The following KIAA1328 variants were observed in gnomAD, a reference collection of about 807,000 sequenced individuals.
KIAA1328 encodes the protein KIAA1328.
Under a neutral mutation model 68.1 loss-of-function variants are expected in KIAA1328, and 52 were observed. The observed-to-expected ratio is 0.76, with a 90% CI of 0.61 to 0.96. The LOEUF is 0.96. Among genes scored for constraint, KIAA1328 ranks in the 40% least tolerant of loss-of-function variants. The pLI is 0.00. For missense variants in KIAA1328, 641 were observed against 677.6 expected, an observed-to-expected ratio of 0.95 and a Z score of 0.60; for synonymous variants, 232 against 239.4, an observed-to-expected ratio of 0.97 and a Z score of 0.28.
chr18:37,162,365 C>T (rs1180006307), intron 8 of KIAA1328, among the ~76,000 whole-genome samples: 1 of 151,754 alleles, frequency 6.6e-6, no homozygotes, highest in Non-Finnish European at 1.5e-5. Flanking sequence ...CTTTTCTACT[C>T]ATGAAAAAGA....
intron 6 of KIAA1328, among the ~76,000 whole-genome samples, chr18:36,965,512 G>A (rs973211967): frequency 6.4e-3 from 1 of 156 alleles, no homozygotes; most frequent in East Asian, 0.17. Context: ...AATTAGCCAG[G>A]CGTGGTGGCC....
chr18:36,919,379 G>T (rs1031418106), intron 5 of KIAA1328, among the ~76,000 whole-genome samples: 2 of 152,088 alleles, frequency 1.3e-5, no homozygotes, highest in Non-Finnish European at 2.9e-5. Flanking sequence ...TTTTATGGGG[G>T]TTGGTCTTGC....
chr18:37,077,464 T>A (rs1023413747), intron 7 of KIAA1328, among the ~76,000 whole-genome samples: 1 of 149,546 alleles, frequency 6.7e-6, no homozygotes, highest in Non-Finnish European at 1.5e-5. Context: ...TTCAACATAG[T>A]GTTGGAAGTT....
Position 37,083,789 on chromosome 18 carries a change from C to T in KIAA1328, c.1232+16244C>T, listed in dbSNP as rs16968542. ...GAATTCACATTGAGACACTGGTGAT[C>T]GCAGTACACTTGCTTACAATGAATA... On this transcript the variant is annotated intron_variant, in intron 7 of 9. Transcript: ENST00000280020. Among the ~76,000 whole-genome samples the T allele has an allele frequency of 6.4e-3, 967 of 152,240 alleles. 9 individuals carry two copies. The highest frequency in any genetic ancestry group is 0.022 in the African/African-American group (930 of 41,552).
intron 6 of KIAA1328, among the ~76,000 whole-genome samples, chr18:37,041,542 G>A (rs1304982758): frequency 6.6e-6 from 1 of 151,728 alleles, no homozygotes; most frequent in East Asian, 1.9e-4. Flanking sequence ...ATGTAATTGT[G>A]ATATGGTTGG....
At chr18:36,969,017 A>G (rs2052061471) in intron 6 of KIAA1328, among the ~76,000 whole-genome samples, 1 of 152,222 alleles carries the variant, frequency 6.6e-6, no homozygotes, top group Non-Finnish European at 1.5e-5. Flanking sequence ...TGGAAATTAA[A>G]CAATCTGCTT....
chr18:37,181,087 C>G (rs931554662), intron 9 of KIAA1328, among the ~76,000 whole-genome samples: 5 of 152,056 alleles, frequency 3.3e-5, no homozygotes, highest in African/African-American at 1.2e-4. Context: ...AGGCTGAGAA[C>G]TGTAATTTTA....
At chr18:37,093,120 A>G (rs935518380) in intron 7 of KIAA1328, among the ~76,000 whole-genome samples, 8 of 152,230 alleles carry the variant, frequency 5.3e-5, no homozygotes, top group Non-Finnish European at 1.0e-4. Flanking sequence ...CTACTCAGCC[A>G]ACACTATAAA....
At chr18:36,854,295 A>G (rs1213529591) in intron 4 of KIAA1328, among the ~76,000 whole-genome samples, 1 of 152,196 alleles carries the variant, frequency 6.6e-6, no homozygotes, top group African/African-American at 2.4e-5. Flanking sequence ...AATAAGTTTC[A>G]GTTGTTCAGG....
chr18:37,066,549 C>T (rs143645622), intron 6 of KIAA1328, among the ~76,000 whole-genome samples: 62 of 152,216 alleles, frequency 4.1e-4, no homozygotes, highest in African/African-American at 1.3e-3. Context: ...AAACATTTTA[C>T]GATGTTCATG....
intron 4 of KIAA1328, among the ~76,000 whole-genome samples, chr18:36,879,973 G>A (rs2048275475): frequency 6.6e-6 from 1 of 152,210 alleles, no homozygotes; most frequent in Non-Finnish European, 1.5e-5. Flanking sequence ...GGCTCTGTAT[G>A]TGTGGGATCT....
Position 37,223,029 on chromosome 18 carries a change from C to G in KIAA1328, c.*802C>G, listed in dbSNP as rs1162381593. 1 of 985,272 alleles carries G rather than the reference C, an allele frequency of 1.0e-6. No homozygotes were observed. The highest frequency in any genetic ancestry group is 1.1e-4 in the East Asian group (1 of 8,802). 61.0% of individuals were successfully genotyped at this position (985,272 alleles called of 1,614,324 possible). A position where few individuals can be genotyped will look rare whatever the true frequency, so the allele number is the denominator to read the frequency against. Reference sequence around the variant, plus strand: ...CAATCCCTAGGTATTTTTATTTACCCAAGTGTTCAGCTTATTCACCCCACC... The same window carrying G: ...CAATCCCTAGGTATTTTTATTTACCGAAGTGTTCAGCTTATTCACCCCACC... On this transcript the variant is annotated 3_prime_UTR_variant, in exon 10 of 10. Coordinates refer to ENST00000280020, the MANE Select transcript of KIAA1328 (RefSeq NM_020776.3).
chr18:36,910,316 A>G (rs2049388813), intron 5 of KIAA1328, among the ~76,000 whole-genome samples: 1 of 152,146 alleles, frequency 6.6e-6, no homozygotes, highest in South Asian at 2.1e-4. Flanking sequence ...TAAGGAAGGG[A>G]TCCAGTTTCA....
At chr18:37,002,721 G>A (rs573072600) in intron 6 of KIAA1328, among the ~76,000 whole-genome samples, 21 of 152,094 alleles carry the variant, frequency 1.4e-4, no homozygotes, top group South Asian at 8.3e-4. Context: ...AACATCCCAC[G>A]GTCATGGATT....
intron 6 of KIAA1328, among the ~76,000 whole-genome samples, chr18:37,018,018 T>C (rs1018590546): frequency 2.0e-5 from 3 of 152,178 alleles, no homozygotes; most frequent in African/African-American, 7.2e-5. Context: ...TTCAGCTGGT[T>C]GCCTTGTACT....
At chr18:37,023,536 T>C (rs2054430982) in intron 6 of KIAA1328, among the ~76,000 whole-genome samples, 1 of 152,214 alleles carries the variant, frequency 6.6e-6, no homozygotes, top group South Asian at 2.1e-4. Context: ...CTGCATAAGA[T>C]GGCAGTAAAC....
At chr18:37,219,672 A>C (rs2060518816) in intron 9 of KIAA1328, among the ~76,000 whole-genome samples, 1 of 152,200 alleles carries the variant, frequency 6.6e-6, no homozygotes, top group Non-Finnish European at 1.5e-5. Context: ...CCATTTGCTA[A>C]GACTGTTGGA....
intron 9 of KIAA1328, among the ~76,000 whole-genome samples, chr18:37,197,665 G>GAAT (rs1237815325): frequency 6.6e-6 from 1 of 152,078 alleles, no homozygotes; most frequent in Non-Finnish European, 1.5e-5. Context: ...AATACTGAAG[G>GAAT]ATTCTTTTCT....
At chr18:37,140,947 C>T (rs1334297259) in intron 7 of KIAA1328, among the ~76,000 whole-genome samples, 1 of 152,126 alleles carries the variant, frequency 6.6e-6, no homozygotes, top group African/African-American at 2.4e-5. Flanking sequence ...AGTACCTGGT[C>T]AGTGAATGTT....
Sources: gnomAD v4.1 joint callset for allele counts (sites outside exome capture counted in the v4.1 genomes callset) on GRCh38, gnomAD v4.1.1 for gene constraint, MANE v1.5 for transcripts, NCBI Gene and HGNC (gene_info 2026-07-23, HGNC 2026-07-21) for gene names.